The following SLC2A13 variants were observed in gnomAD, a reference collection of about 807,000 sequenced individuals.
The protein encoded by SLC2A13 is proton myo-inositol cotransporter.
SLC2A13 carries 32 observed loss-of-function variants against 64.4 expected under a neutral mutation model. The observed-to-expected ratio is 0.50, with a 90% CI of 0.37 to 0.67. The LOEUF (loss-of-function observed/expected upper bound fraction) is 0.67. Ranked by LOEUF, SLC2A13 falls within the 30% of genes least tolerant of loss-of-function variation. SLC2A13 has a pLI of 0.00. For missense variants in SLC2A13, 743 were observed against 829.2 expected (o/e 0.90, Z 1.28); for synonymous variants, 338 against 327.1 (o/e 1.03, Z -0.36).
chr12:39,871,375 G>A (rs1375942207), intron 5 of SLC2A13, among the ~76,000 whole-genome samples: 1 of 78,334 alleles, frequency 1.3e-5, no homozygotes, highest in East Asian at 4.5e-4. Flanking sequence ...ACTGCTGAAA[G>A]AGCTTTGAAA....
chr12:40,011,157 G>A (rs1302824400), intron 3 of SLC2A13, among the ~76,000 whole-genome samples: 3 of 152,068 alleles, frequency 2.0e-5, no homozygotes, highest in African/African-American at 4.8e-5. Context: ...AAATAATAAC[G>A]GTAGGCAGGG....
chr12:40,045,555 C>A (rs1401177562), intron 2 of SLC2A13, among the ~76,000 whole-genome samples: 2 of 149,304 alleles, frequency 1.3e-5, no homozygotes, highest in Non-Finnish European at 1.5e-5. Context: ...TAACAGAAGA[C>A]AATAACAGAG....
intron 7 of SLC2A13, among the ~76,000 whole-genome samples, chr12:39,803,681 A>C (rs1052901993): frequency 6.6e-6 from 1 of 152,180 alleles, no homozygotes; most frequent in African/African-American, 2.4e-5. Flanking sequence ...GATCTGAATA[A>C]ATTCCTCAGA....
At chr12:39,768,695 T>A (rs1362387103) in intron 7 of SLC2A13, among the ~76,000 whole-genome samples, 2 of 151,956 alleles carry the variant, frequency 1.3e-5, no homozygotes, top group Admixed American at 6.6e-5. Flanking sequence ...CAGTTTGTGA[T>A]GCCCGACAAC....
intron 5 of SLC2A13, 39 bp from the exon 6 acceptor site, chr12:39,864,921 A>T: frequency 1.9e-6 from 3 of 1,580,778 alleles, no homozygotes; most frequent in African/African-American, 1.4e-5. Context: ...AAGAGTTGAC[A>T]ATATTGTTTT....
intron 1 of SLC2A13, among the ~76,000 whole-genome samples, chr12:40,094,709 A>G (rs1416613340): frequency 6.6e-6 from 1 of 152,250 alleles, no homozygotes; most frequent in African/African-American, 2.4e-5. Flanking sequence ...TGTTTTATGT[A>G]AAATAAAGGA....
At chr12:39,875,066 T>G (rs142267543) in intron 4 of SLC2A13, among the ~76,000 whole-genome samples, 1 of 152,176 alleles carries the variant, frequency 6.6e-6, no homozygotes, top group Non-Finnish European at 1.5e-5. Flanking sequence ...CTGGTAAATA[T>G]ATTAGTTTGT....
chr12:40,040,210 T>G (rs944750278), intron 2 of SLC2A13, among the ~76,000 whole-genome samples: 19 of 152,244 alleles, frequency 1.2e-4, no homozygotes, highest in African/African-American at 4.6e-4. Flanking sequence ...TCACTGCTAC[T>G]AGCTCATTTG....
intron 1 of SLC2A13, among the ~76,000 whole-genome samples, chr12:40,062,957 C>T (rs1489104418): frequency 6.6e-6 from 1 of 152,028 alleles, no homozygotes; most frequent in African/African-American, 2.4e-5. Flanking sequence ...TACCATTTTT[C>T]TGGTATCTAT....
intron 6 of SLC2A13, among the ~76,000 whole-genome samples, chr12:39,835,251 G>T (rs1592185919): frequency 1.3e-5 from 2 of 152,138 alleles, no homozygotes; most frequent in Middle Eastern, 6.8e-3. Context: ...AGCACACATT[G>T]TCTAACAATC....
At chr12:39,890,670 A>G (rs920520166) in intron 4 of SLC2A13, among the ~76,000 whole-genome samples, 1 of 152,140 alleles carries the variant, frequency 6.6e-6, no homozygotes, top group Non-Finnish European at 1.5e-5. Context: ...ATATGTATTG[A>G]AACATCACGT....
At position 40,089,971 on chromosome 12, in the gene SLC2A13, G is replaced by C. The variant is rs11564138; in HGVS notation, c.556+15282C>G. Among the ~76,000 whole-genome samples the C allele has an allele frequency of 3.6e-4, 55 of 152,072 alleles. No homozygotes were observed. In the East Asian group the frequency reaches 9.8e-3, roughly 27 times the overall value. ...TGGGCCCACTTTTCAACACTGACAA[G>C]GCATCCTACTAAACCATGTTTGCTT... is the stretch of plus-strand genomic sequence containing the variant. On this transcript the variant is annotated intron_variant, in intron 1 of 9. Transcript: ENST00000280871.
intron 1 of SLC2A13, among the ~76,000 whole-genome samples, chr12:40,071,818 C>T (rs971448616): frequency 6.6e-6 from 1 of 152,026 alleles, no homozygotes; most frequent in African/African-American, 2.4e-5. Context: ...TATGTGGTCT[C>T]TTTTTTTCTT....
chr12:40,027,731 T>C (rs1334950254), intron 3 of SLC2A13, among the ~76,000 whole-genome samples: 1 of 152,216 alleles, frequency 6.6e-6, no homozygotes, highest in Non-Finnish European at 1.5e-5. Flanking sequence ...CTAATTGTTA[T>C]TGTTGAAAAA....
intron 4 of SLC2A13, among the ~76,000 whole-genome samples, chr12:39,888,523 C>G (rs1444294178): frequency 6.6e-6 from 1 of 152,232 alleles, no homozygotes; most frequent in Non-Finnish European, 1.5e-5. Context: ...CTGTGTCCAG[C>G]CCATTCTAAG....
chr12:39,874,669 A>C (rs1944138452), intron 4 of SLC2A13, among the ~76,000 whole-genome samples: 1 of 151,996 alleles, frequency 6.6e-6, no homozygotes. Flanking sequence ...ATGTAAGGCT[A>C]TAGCAGAAGC....
intron 4 of SLC2A13, among the ~76,000 whole-genome samples, chr12:39,896,197 T>C (rs1006898431): frequency 1.4e-5 from 2 of 147,980 alleles, no homozygotes; most frequent in Non-Finnish European, 3.0e-5. Context: ...TATATATGTG[T>C]ATGTATACAT....
chr12:39,765,157 G>T (rs1396777505), intron 7 of SLC2A13, among the ~76,000 whole-genome samples: 2 of 152,036 alleles, frequency 1.3e-5, no homozygotes, highest in African/African-American at 4.8e-5. Flanking sequence ...GTACCACTGA[G>T]AGTCAGTATG....
At chr12:39,988,902 G>A (rs985444974) in intron 3 of SLC2A13, among the ~76,000 whole-genome samples, 1 of 151,754 alleles carries the variant, frequency 6.6e-6, no homozygotes, top group African/African-American at 2.4e-5. Context: ...TCTATACGTC[G>A]CCTCCTCTCA....
Sources: allele counts gnomAD v4.1 joint callset (sites outside exome capture counted in the v4.1 genomes callset), GRCh38; gene constraint gnomAD v4.1.1; transcripts MANE v1.5; gene names NCBI Gene and HGNC (gene_info 2026-07-23, HGNC 2026-07-21).